Variants in KMT2D observed in about 807,000 individuals in gnomAD.
KMT2D encodes lysine methyltransferase 2D, also known as histone-lysine N-methyltransferase 2D.
In KMT2D, 55 loss-of-function variants were observed where a neutral mutation model predicts 512.7. The observed-to-expected ratio is 0.11, with a 90% CI of 0.09 to 0.13. The LOEUF is 0.13. Ranked by LOEUF, KMT2D falls within the 10% of genes least tolerant of loss-of-function variation. KMT2D has a pLI of 1.00. For synonymous variants in KMT2D, 2,995 were observed against 2,904.0 expected, an observed-to-expected ratio of 1.03 and a Z score of -1.01; for missense variants, 6,061 against 7,127.9, an observed-to-expected ratio of 0.85 and a Z score of 5.39.
In KMT2D at chr12:49,022,384, C is replaced by T. The variant is rs1942372323; in HGVS notation, c.16339-31G>A. The T allele has an allele frequency of 6.3e-7, 1 of 1,590,800 alleles. No homozygotes were observed. Among genetic ancestry groups the T allele is most frequent in the African/African-American group, 1.3e-5 (1 of 74,570 alleles). ...AAGGCAGAGGTTGCAGAAGAAGGGA[C>T]AAGAGTATCAGAGAGTGGCAGTGGT... On this transcript the variant is annotated intron_variant, in intron 52 of 54. Coordinates refer to ENST00000301067, the MANE Select transcript of KMT2D (RefSeq NM_003482.4). This position sits in a 1 kb window ranked among gnomAD's most constrained non-coding sequence, Gnocchi z 8.6.
intron 43 of KMT2D, 83 bp from the exon 44 acceptor site, chr12:49,029,559 T>C (rs1942788477): frequency 2.1e-6 from 2 of 951,570 alleles, no homozygotes; most frequent in Admixed American, 2.1e-5. Context: ...TAGGCCTAAT[T>C]AGCATGAGAT....
At position 49,037,749 on chromosome 12, in the gene KMT2D, C is replaced by T. The variant is rs2120485125; in HGVS notation, c.9607G>A (p.Gly3203Ser). 6.3e-7 allele frequency: 1 copy of T among 1,590,402 alleles called. No homozygotes were observed. Among genetic ancestry groups the T allele is most frequent in the East Asian group, 2.3e-5 (1 of 43,770 alleles). The change falls in exon 35 of 55, where the codon GGC (glycine) becomes AGC (serine). Residue 3203 changes from glycine (G) to serine (S), a missense_variant. Coordinates refer to ENST00000301067, the MANE Select transcript of KMT2D (RefSeq NM_003482.4). ...TCCAGCAGGGAGGATCCTCCTGGGCCACTCAGTGGGCTGGGGGTCAGCAGG... is the reference window on the plus strand; with the variant it reads ...TCCAGCAGGGAGGATCCTCCTGGGCTACTCAGTGGGCTGGGGGTCAGCAGG... ...AHLLTPSPLSGPGGSSLLEKF... is the reference protein window; with the variant it reads ...AHLLTPSPLSSPGGSSLLEKF...
rs753655111 is a variant in KMT2D, at chr12:49,030,931, C to A, written c.13633G>T (p.Val4545Phe). 17 of 1,613,862 alleles carry A rather than the reference C, an allele frequency of 1.1e-5. No individual in the cohort carries two copies. Among genetic ancestry groups the A allele is most frequent in the Non-Finnish European group, 1.4e-5 (16 of 1,179,880 alleles). ...SRKKLRKEDG[V>F]RASEALLKQL... is the part of the protein sequence containing the mutation. ...TTCAGCAAGGCCTCGCTGGCCCTGA[C>A]CCCGTCCTCCTTCCGCAGCTTCTTT... The change falls in exon 41 of 55, where the codon GTC becomes TTC. Residue 4545 changes from valine (V) to phenylalanine (F), a missense_variant. Around this residue, in one of 16 missense-constraint regions of KMT2D, gnomAD observed 1,600 missense variants for 1,754.9 expected, o/e 0.91. Coordinates refer to ENST00000301067, the MANE Select transcript of KMT2D (RefSeq NM_003482.4).
Position 49,042,132 on chromosome 12 carries a change from G to C in KMT2D, c.6066C>G (p.Leu2022=). The change falls in exon 29 of 55, where the codon CTC becomes CTG. Residue 2022 remains leucine, a synonymous_variant. Coordinates refer to ENST00000301067, the MANE Select transcript of KMT2D (RefSeq NM_003482.4). This position sits in a 1 kb window ranked among gnomAD's most constrained non-coding sequence, Gnocchi z 4.4. ...LGQLSTISPV[L]YANINFPNLK... ...GATTAGGAAAATTAATGTTGGCATA[G>C]AGCACAGGTGAGATGGTGGACAGCT... 6.2e-7 allele frequency: 1 copy of C among 1,613,630 alleles called. No individual in the cohort carries two copies.
chr12:49,019,204 TAC>T lies in KMT2D; in HGVS notation c.*2574_*2575del. 9.7e-7 allele frequency: 1 copy of T among 1,028,042 alleles called. No individual in the cohort carries two copies. The highest frequency in any genetic ancestry group is 1.2e-6 in the Non-Finnish European group (1 of 838,280). The allele number at this position is 1,028,042 out of a possible 1,614,324, so 63.7% of individuals were successfully genotyped here. The stretch of plus-strand genomic sequence containing the variant: ...GAAGGACCAACCTTGCTGTACAGGA[TAC>T]ACACAACACAAAATAAAGTCTTCAC... On this transcript the variant is annotated 3_prime_UTR_variant, in exon 55 of 55. Coordinates refer to ENST00000301067, the MANE Select transcript of KMT2D (RefSeq NM_003482.4).
chr12:49,047,866 G>C (rs763804465), intron 15 of KMT2D, 99 bp downstream of exon 15: 1 of 812,670 alleles, frequency 1.2e-6, no homozygotes, highest in East Asian at 2.6e-5. Context: ...AACCATGACC[G>C]ATGGCCGCTT....
chr12:49,051,615 A>G lies in KMT2D; in HGVS notation c.2068T>C (p.Ser690Pro), dbSNP rs1378996551. ...GTGGGGGAGTCCTCAGGTGGTGGGG[A>G]GAGGCGTGAAGCCTCAGGTGGAGGG... Reference protein sequence around the residue: ...TSPPPEASRLSPPPEDSPTSP... With the variant: ...TSPPPEASRLPPPPEDSPTSP... Residue 690 changes from serine to proline, a missense_variant, in exon 11 of 55, where the codon TCC becomes CCC. Physicochemically the swap from Ser to Pro is moderately conservative, Grantham distance 74 (BLOSUM62 -1). Transcript: ENST00000301067. The G allele has an allele frequency of 2.5e-6, 4 of 1,578,598 alleles. No individual in the cohort carries two copies. In the African/African-American group the frequency reaches 5.4e-5, roughly 21 times the overall value.
Position 49,039,278 on chromosome 12 carries a change from G to C in KMT2D, c.8310C>G (p.Asp2770Glu). ...CTGGTGGAGGTGGCCGGGAGAGTCGGTCATCGCTAGGGAAGGACCCTGGCC... is the reference window on the plus strand; with the variant it reads ...CTGGTGGAGGTGGCCGGGAGAGTCGCTCATCGCTAGGGAAGGACCCTGGCC... ...ILGPGSFPSD[D>E]RLSRPPPPAT... Residue 2770 changes from aspartate (D) to glutamate (E), a missense_variant, in exon 34 of 55, where the codon GAC (aspartate) becomes GAG (glutamate). Physicochemically the swap from Asp to Glu is conservative, Grantham distance 45 (BLOSUM62 2). Coordinates refer to ENST00000301067, the MANE Select transcript of KMT2D (RefSeq NM_003482.4). The surrounding 1 kb of genome is among the most constrained non-coding windows in gnomAD (Gnocchi z 5.0). 1 of 1,613,682 alleles carries C rather than the reference G, an allele frequency of 6.2e-7. No homozygotes were observed. Among genetic ancestry groups the C allele is most frequent in the South Asian group, 1.1e-5 (1 of 91,090 alleles).
At position 49,027,143 on chromosome 12, in the gene KMT2D, C is replaced by G. The variant is rs1272208176; in HGVS notation, c.14823G>C (p.Leu4941Phe). The stretch of plus-strand genomic sequence containing the variant: ...GAGGTGAGGGGACGGGTGGCTCAGC[C>G]AAGGGTTCGGTGGGAAGTTCAACCA... Reference protein sequence around the residue: ...EPLVELPTEPLAEPPVPSPLP... With the variant: ...EPLVELPTEPFAEPPVPSPLP... The change falls in exon 49 of 55, where the codon TTG becomes TTC. Residue 4941 changes from leucine (L) to phenylalanine (F), a missense_variant. Around this residue, in one of 16 missense-constraint regions of KMT2D, gnomAD observed 1,600 missense variants for 1,754.9 expected, o/e 0.91. Transcript: ENST00000301067. The G allele has an allele frequency of 6.4e-7, 1 of 1,564,492 alleles. No homozygotes were observed. Among genetic ancestry groups the G allele is most frequent in the Non-Finnish European group, 8.7e-7 (1 of 1,153,670 alleles).
At position 49,038,116 on chromosome 12, in the gene KMT2D, A is replaced by G; in HGVS notation, c.9240T>C (p.Ala3080=). 2 of 1,613,972 alleles carry G rather than the reference A, an allele frequency of 1.2e-6. No individual in the cohort carries two copies. The highest frequency in any genetic ancestry group is 1.1e-5 in the South Asian group (1 of 91,082). ...LRLVESANEK[A]EREALLRGVE... ...CCCCCCGCAGCAGGGCCTCCCGTTC[A>G]GCCTTCTCATTAGCCGATTCTACCA... The change falls in exon 35 of 55, where the codon GCT becomes GCC. Residue 3080 remains alanine, a synonymous_variant. Transcript: ENST00000301067. The surrounding 1 kb of genome is among the most constrained non-coding windows in gnomAD (Gnocchi z 5.7).
Position 49,039,964 on chromosome 12 carries a change from C to A in KMT2D, c.7806G>T (p.Gly2602=), listed in dbSNP as rs1039690539. The part of the protein sequence containing the change: ...SPLGPSSGST[G]ESYGLSPLRP... ...GTAGTGGGGACAGCCCATAGCTCTC[C>A]CCTGTGGACCCGCTGCTGGGCCCCA... The change falls in exon 32 of 55, where the codon GGG becomes GGT. Residue 2602 remains glycine (G), a synonymous_variant. Coordinates refer to ENST00000301067, the MANE Select transcript of KMT2D (RefSeq NM_003482.4). This position sits in a 1 kb window ranked among gnomAD's most constrained non-coding sequence, Gnocchi z 5.0. 5.6e-6 allele frequency: 9 copies of A among 1,613,858 alleles called. No individual in the cohort carries two copies. In the East Asian group the frequency reaches 1.1e-4, roughly 20 times the overall value.
rs777264632 is a variant in KMT2D, at chr12:49,030,612, G to A, written c.13828C>T (p.Leu4610=). The A allele has an allele frequency of 1.3e-6, 2 of 1,574,162 alleles. No homozygotes were observed. Among genetic ancestry groups the A allele is most frequent in the Non-Finnish European group, 1.7e-6 (2 of 1,158,140 alleles). Residue 4610 remains leucine (L), a synonymous_variant, in exon 42 of 55, where the codon CTG becomes TTG. Transcript: ENST00000301067. ...LPTGPDYYSQ[L]LTKNNLSNPP... is the part of the protein sequence containing the mutation. ...GCCATTTTTCTGACCTTGGTAAGCA[G>A]CTGGGAATAGTAGTCAGGGCCAGTG...
Position 49,027,722 on chromosome 12 carries a change from G to A in KMT2D, c.14643+81C>T, listed in dbSNP as rs915458968. 4 of 1,514,824 alleles carry A rather than the reference G, an allele frequency of 2.6e-6. No homozygotes were observed. The African/African-American group carries it at 5.5e-5, about 21-fold the overall frequency. The allele number at this position is 1,514,824 out of a possible 1,614,324, so 93.8% of individuals were successfully genotyped here. A position where few individuals can be genotyped will look rare whatever the true frequency, so the allele number is the denominator to read the frequency against. ...CACTCGCCTTGCCTCCCAAAGCACT[G>A]GGATTACAGATGTGAGCCACCGCGC... On this transcript the variant is annotated intron_variant, in intron 48 of 54. Transcript: ENST00000301067.
At chr12:49,030,486 A>G in intron 42 of KMT2D, 47 bp from the exon 43 acceptor site, 1 of 1,365,704 alleles carries the variant, frequency 7.3e-7, no homozygotes, top group Non-Finnish European at 1.0e-6. Flanking sequence ...GCATAGGGAG[A>G]CTGATATAAT....
Position 49,043,434 on chromosome 12 carries a change from A to G in KMT2D, c.5468-6T>C, listed in dbSNP as rs538941947. On this transcript the variant is annotated splice_polypyrimidine_tract_variant and splice_region_variant and intron_variant, in intron 24 of 54. Coordinates refer to ENST00000301067, the MANE Select transcript of KMT2D (RefSeq NM_003482.4). ...AATATCTGGACCATCATCTCCTATGAGCAAGAGTCCCCCCTCCAATCAGAG... is the reference window on the plus strand; with the variant it reads ...AATATCTGGACCATCATCTCCTATGGGCAAGAGTCCCCCCTCCAATCAGAG... The G allele has an allele frequency of 2.5e-6, 4 of 1,613,842 alleles. No homozygotes were observed. The South Asian group carries it at 4.4e-5, about 18-fold the overall frequency.
Position 49,060,226 on chromosome 12 carries a change from C to T in KMT2D, c.-651G>A, listed in dbSNP as rs1938665589. 6.6e-6 allele frequency among the ~76,000 whole-genome samples: 1 copy of T among 151,986 alleles called. No individual in the cohort carries two copies. Among genetic ancestry groups the T allele is most frequent in the Non-Finnish European group, 1.5e-5 (1 of 67,930 alleles). ...CAGCGCCGGGCTTCTCGACCCCGAG[C>T]GCTCACCCTCGGCGGCTTCGAGCCC... On this transcript the variant is annotated 5_prime_UTR_variant, in exon 1 of 55. Coordinates refer to ENST00000301067, the MANE Select transcript of KMT2D (RefSeq NM_003482.4).
Position 49,046,448 on chromosome 12 carries a change from C to G in KMT2D, c.4419-24G>C. ...ACCTGATAGGAGCAGGAAAACAGAG[C>G]TTTAGCACCCAACCTACCCGAAGTA... is the stretch of plus-strand genomic sequence containing the variant. On this transcript the variant is annotated intron_variant, in intron 16 of 54. Coordinates refer to ENST00000301067, the MANE Select transcript of KMT2D (RefSeq NM_003482.4). The surrounding 1 kb of genome is among the most constrained non-coding windows in gnomAD (Gnocchi z 4.2). 6.2e-7 allele frequency: 1 copy of G among 1,609,820 alleles called. No individual in the cohort carries two copies. The highest frequency in any genetic ancestry group is 8.5e-7 in the Non-Finnish European group (1 of 1,177,000).
In KMT2D at chr12:49,049,277, C is replaced by T. The variant is rs1937769205; in HGVS notation, c.3907-59G>A. ...GTCAAGGGCTAGTGTGTTGGGTTTA[C>T]ACACTTGAACAGAAGAAGTGACAAA... On this transcript the variant is annotated intron_variant, in intron 12 of 54. Coordinates refer to ENST00000301067, the MANE Select transcript of KMT2D (RefSeq NM_003482.4). The T allele has an allele frequency of 5.8e-6, 6 of 1,039,692 alleles. No individual in the cohort carries two copies. The South Asian group carries it at 9.1e-5, about 16-fold the overall frequency. 64.4% of individuals were successfully genotyped at this position (1,039,692 alleles called of 1,614,324 possible). A position where few individuals can be genotyped will look rare whatever the true frequency, so the allele number is the denominator to read the frequency against.
chr12:49,033,918 C>T lies in KMT2D; in HGVS notation c.10787G>A (p.Arg3596Gln), dbSNP rs532898944. The change falls in exon 40 of 55, where the codon CGG (arginine) becomes CAG (glutamine). Residue 3596 changes from arginine to glutamine, a missense_variant. Around this residue, in one of 16 missense-constraint regions of KMT2D, gnomAD observed 50 missense variants for 119.9 expected, o/e 0.42. Coordinates refer to ENST00000301067, the MANE Select transcript of KMT2D (RefSeq NM_003482.4). ...CTGCTGTTGTTGCTGCTGCTTGTTC[C>T]GATATTCTGCCATGAGATTAGTGTG... ...KEHTNLMAEY[R>Q]NKQQQQQQQQ... 3.3e-6 allele frequency: 5 copies of T among 1,535,446 alleles called. No homozygotes were observed. Among genetic ancestry groups the T allele is most frequent in the Admixed American group, 2.0e-5 (1 of 49,360 alleles).
Sources: allele counts gnomAD v4.1 joint callset (sites outside exome capture counted in the v4.1 genomes callset), GRCh38; gene constraint gnomAD v4.1.1; regional missense constraint gnomAD v4.1.1; non-coding constraint Gnocchi (gnomAD v3.1); transcripts MANE v1.5; gene names NCBI Gene and HGNC (gene_info 2026-07-23, HGNC 2026-07-21).